The following VIT variants were observed in gnomAD, a reference collection of about 807,000 sequenced individuals.
The protein encoded by VIT is vitrin.
VIT carries 99 observed loss-of-function variants against 78.0 expected under a neutral mutation model. That is an observed-to-expected ratio of 1.27 (90% confidence interval 1.08 to 1.50). The LOEUF is 1.50. VIT is among the 40% of genes most tolerant of loss of function. VIT has a pLI of 0.00. For missense variants in VIT, 1,126 were observed against 875.3 expected, an observed-to-expected ratio of 1.29 and a Z score of -3.61; for synonymous variants, 374 against 334.3, an observed-to-expected ratio of 1.12 and a Z score of -1.29.
intron 12 of VIT, among the ~76,000 whole-genome samples, chr2:36,800,636 C>A (rs755707623): frequency 6.6e-6 from 1 of 152,132 alleles, no homozygotes. Context: ...CCCTCCTGCA[C>A]GCCTCCACAC....
chr2:36,750,492 C>A (rs1421884841), intron 4 of VIT, among the ~76,000 whole-genome samples: 1 of 152,156 alleles, frequency 6.6e-6, no homozygotes, highest in Non-Finnish European at 1.5e-5. Flanking sequence ...TATAGAGCCA[C>A]AAGAGTAAAT....
At chr2:36,715,032 C>G (rs1666037399) in intron 1 of VIT, among the ~76,000 whole-genome samples, 1 of 152,180 alleles carries the variant, frequency 6.6e-6, no homozygotes, top group African/African-American at 2.4e-5. Flanking sequence ...GGAGCCACTT[C>G]TCTCCTATTT....
chr2:36,794,720 T>C (rs1490752839), intron 12 of VIT, among the ~76,000 whole-genome samples: 3 of 152,192 alleles, frequency 2.0e-5, no homozygotes, highest in Admixed American at 6.5e-5. Flanking sequence ...CCCCTAATTA[T>C]AATTTTAGCA....
At chr2:36,756,060 C>T (rs778230702) in intron 5 of VIT, among the ~76,000 whole-genome samples, 3 of 146,792 alleles carry the variant, frequency 2.0e-5, no homozygotes, top group Non-Finnish European at 3.0e-5. Flanking sequence ...TGGGTTCAAG[C>T]GATTTTCCTG....
At chr2:36,736,197 G>C (rs1454864360) in intron 3 of VIT, among the ~76,000 whole-genome samples, 2 of 152,142 alleles carry the variant, frequency 1.3e-5, no homozygotes, top group African/African-American at 4.8e-5. Context: ...CCAAAGTGTG[G>C]CTGCATTTTT....
intron 1 of VIT, among the ~76,000 whole-genome samples, chr2:36,699,626 GTAGA>G (rs10530448): frequency 0.015 from 2,199 of 141,954 alleles, 24 homozygotes; most frequent in African/African-American, 0.028. Context: ...AGATATATAG[GTAGA>G]TAGATAGATA....
intron 13 of VIT, among the ~76,000 whole-genome samples, chr2:36,804,661 C>A (rs891727779): frequency 6.6e-6 from 1 of 152,120 alleles, no homozygotes; most frequent in Non-Finnish European, 1.5e-5. Context: ...GAAACCCCAT[C>A]TCTACTAAAA....
At chr2:36,793,569 G>A (rs767321904) in intron 12 of VIT, among the ~76,000 whole-genome samples, 9 of 152,314 alleles carry the variant, frequency 5.9e-5, no homozygotes, top group Non-Finnish European at 1.0e-4. Context: ...AGCCACTGTC[G>A]TGTGACCTGA....
intron 13 of VIT, 96 bp downstream of exon 13, chr2:36,801,500 T>A (rs191290689): frequency 5.3e-6 from 6 of 1,122,532 alleles, no homozygotes; most frequent in Middle Eastern, 2.0e-4. Context: ...GAAAAAATAA[T>A]AATAATCCGT....
Position 36,743,269 on chromosome 2 carries a change from G to C in VIT, c.275+13G>C, listed in dbSNP as rs149665991. ...CTGCCGTACACAGGTGAGTGGTTCT[G>C]AGCTACTTAATAACTAACTAGAAAT... On this transcript the variant is annotated intron_variant, in intron 4 of 15. Transcript: ENST00000379242. 2 of 1,589,598 alleles carry C rather than the reference G, an allele frequency of 1.3e-6. No individual in the cohort carries two copies. Among genetic ancestry groups the C allele is most frequent in the Non-Finnish European group, 1.7e-6 (2 of 1,162,446 alleles).
intron 13 of VIT, 111 bp from the exon 14 acceptor site, chr2:36,805,327 A>AC (rs35117700): frequency 2.5e-6 from 3 of 1,194,448 alleles, no homozygotes; most frequent in South Asian, 3.7e-5. Context: ...AAAAAAAAAA[A>AC]CTAGGGAGGG....
At chr2:36,727,230 T>G (rs1421145888) in intron 2 of VIT, among the ~76,000 whole-genome samples, 1 of 152,072 alleles carries the variant, frequency 6.6e-6, no homozygotes, top group African/African-American at 2.4e-5. Context: ...CCAGACAGCC[T>G]CTCTTCTGAG....
intron 3 of VIT, among the ~76,000 whole-genome samples, chr2:36,737,536 AATGTACAAC>A (rs1667581637): frequency 6.6e-6 from 1 of 152,234 alleles, no homozygotes; most frequent in African/African-American, 2.4e-5. Context: ...TTTGGGGTGA[AATGTACAAC>A]ATGTAGTTCA....
At chr2:36,717,165 ACG>A (rs1666198543) in intron 2 of VIT, among the ~76,000 whole-genome samples, 1 of 135,772 alleles carries the variant, frequency 7.4e-6, no homozygotes. Flanking sequence ...GTGAGCCACC[ACG>A]CCCGGCCAGA....
intron 1 of VIT, among the ~76,000 whole-genome samples, chr2:36,697,659 G>A (rs1664763290): frequency 6.6e-6 from 1 of 152,194 alleles, no homozygotes; most frequent in African/African-American, 2.4e-5. Flanking sequence ...TGTCCAACTA[G>A]TATAAACATG....
intron 6 of VIT, among the ~76,000 whole-genome samples, chr2:36,764,549 G>T (rs1197441113): frequency 6.6e-6 from 1 of 152,212 alleles, no homozygotes; most frequent in Admixed American, 6.5e-5. Flanking sequence ...GCTCTTTAGT[G>T]ATTTGTCTGA....
At chr2:36,781,521 G>T (rs1664751910) in intron 9 of VIT, among the ~76,000 whole-genome samples, 1 of 152,190 alleles carries the variant, frequency 6.6e-6, no homozygotes, top group Non-Finnish European at 1.5e-5. Flanking sequence ...AATTGGTAAA[G>T]ATGTTTATGC....
At chr2:36,797,934 G>T (rs938127334) in intron 12 of VIT, among the ~76,000 whole-genome samples, 1 of 152,174 alleles carries the variant, frequency 6.6e-6, no homozygotes, top group Admixed American at 6.5e-5. Flanking sequence ...GGGGCTGGGA[G>T]TAAGGGAGAT....
intron 12 of VIT, among the ~76,000 whole-genome samples, chr2:36,794,000 A>G (rs1429114516): frequency 2.0e-5 from 3 of 152,176 alleles, no homozygotes; most frequent in Admixed American, 1.3e-4. Context: ...ATAGTTTAGT[A>G]AGTGCCTTAG....
Sources: gnomAD v4.1 joint callset for allele counts (sites outside exome capture counted in the v4.1 genomes callset) on GRCh38, gnomAD v4.1.1 for gene constraint, MANE v1.5 for transcripts, NCBI Gene and HGNC (gene_info 2026-07-23, HGNC 2026-07-21) for gene names.